The following SRSF1 variants were observed in gnomAD, a reference collection of about 807,000 sequenced individuals.
SRSF1 encodes the protein serine and arginine rich splicing factor 1.
Under a neutral mutation model 25.9 loss-of-function variants are expected in SRSF1, and 1 was observed. The observed-to-expected ratio is 0.04, with a 90% CI of 0.01 to 0.18. The LOEUF (loss-of-function observed/expected upper bound fraction) is 0.18, where lower values mean the gene tolerates loss of function less well. Ranked by LOEUF, SRSF1 falls within the 10% of genes least tolerant of loss-of-function variation. The pLI, the probability that SRSF1 is intolerant of heterozygous loss-of-function variation, is 1.00. For synonymous variants in SRSF1, 132 were observed against 126.2 expected (o/e 1.05, Z -0.31); for missense variants, 65 against 350.5 (o/e 0.19, Z 6.50).
intron 2 of SRSF1, 28 bp downstream of exon 2, chr17:58,006,315 C>T: frequency 6.3e-7 from 1 of 1,580,540 alleles, no homozygotes; most frequent in Non-Finnish European, 8.6e-7. Flanking sequence ...CGTCCCTTCA[C>T]ATCAATCCAC....
downstream of SRSF1, among the ~76,000 whole-genome samples, chr17:57,997,011 C>G (rs942502479): frequency 6.6e-6 from 1 of 152,182 alleles, no homozygotes; most frequent in Non-Finnish European, 1.5e-5. Context: ...GGCAATACCA[C>G]TAAATTCTGA....
downstream of SRSF1, among the ~76,000 whole-genome samples, chr17:58,000,361 G>C (rs181360139): frequency 6.6e-6 from 1 of 152,132 alleles, no homozygotes; most frequent in Non-Finnish European, 1.5e-5. Flanking sequence ...AGACAATCAC[G>C]ATAGACATAA....
At chr17:57,998,118 G>A (rs1345313925), downstream of SRSF1, among the ~76,000 whole-genome samples, 3 of 152,256 alleles carry the variant, frequency 2.0e-5, no homozygotes, top group East Asian at 1.9e-4. Flanking sequence ...TGGGAGGCAG[G>A]AGAATCGCTT....
Position 58,005,541 on chromosome 17 carries a change from T to C in SRSF1, c.612A>G (p.Arg204=). 2 of 1,614,118 alleles carry C rather than the reference T, an allele frequency of 1.2e-6. No homozygotes were observed. Among genetic ancestry groups the C allele is most frequent in the Non-Finnish European group, 1.7e-6 (2 of 1,180,034 alleles). ...TACGACTACGGCTTCGAGATCGAGA[T>C]CTTCCATAACTTGGACTTCTGGGCC... ...VDGPRSPSYG[R]SRSRSRSRSR... is the part of the protein sequence containing the mutation. Residue 204 remains arginine, a synonymous_variant, in exon 4 of 4, where the codon AGA becomes AGG. Coordinates refer to ENST00000258962, the MANE Select transcript of SRSF1 (RefSeq NM_006924.5). The surrounding 1 kb of genome is among the most constrained non-coding windows in gnomAD (Gnocchi z 5.2).
chr17:58,005,705 C>T lies in SRSF1; in HGVS notation c.552+96G>A. 3.1e-6 allele frequency: 5 copies of T among 1,607,776 alleles called. No homozygotes were observed. The highest frequency in any genetic ancestry group is 4.3e-6 in the Non-Finnish European group (5 of 1,175,934). On this transcript the variant is annotated intron_variant, in intron 3 of 3. Transcript: ENST00000258962. This position sits in a 1 kb window ranked among gnomAD's most constrained non-coding sequence, Gnocchi z 5.2. Reference sequence around the variant, plus strand: ...CTAAAACCAGAAATCTGGCAATTTACTTGGACAACCTTGCCTGAATCCTTA... The same window carrying T: ...CTAAAACCAGAAATCTGGCAATTTATTTGGACAACCTTGCCTGAATCCTTA...
At chr17:57,995,664 C>G in the SRSF1 span, among the ~76,000 whole-genome samples, 2 of 152,222 alleles carry the variant, frequency 1.3e-5, no homozygotes, top group Admixed American at 1.3e-4. Flanking sequence ...TTGGGTCAGA[C>G]TTTTCTCCCC....
the SRSF1 span, among the ~76,000 whole-genome samples, chr17:57,995,256 T>C: frequency 6.6e-6 from 1 of 152,244 alleles, no homozygotes; most frequent in Non-Finnish European, 1.5e-5. Context: ...AATTTAAGTG[T>C]ATACTCAGCT....
In SRSF1 at chr17:58,004,257, G is replaced by A. The variant is rs542320267; in HGVS notation, c.*1149C>T. On this transcript the variant is annotated 3_prime_UTR_variant, in exon 4 of 4. Transcript: ENST00000258962. The stretch of plus-strand genomic sequence containing the variant: ...ATGCCAACACTTGTTACTGTACAGC[G>A]TATTACAGGTTTCGTGGTTGCAAGA... The A allele has an allele frequency of 9.8e-5, 15 of 152,684 alleles. No homozygotes were observed. The South Asian group carries it at 1.7e-3, about 17-fold the overall frequency. The allele number at this position is 152,684 out of a possible 1,614,324, so 9.5% of individuals were successfully genotyped here. A position where few individuals can be genotyped will look rare whatever the true frequency, so the allele number is the denominator to read the frequency against.
chr17:57,999,760 AC>A (rs1343268743), downstream of SRSF1, among the ~76,000 whole-genome samples: 3 of 152,182 alleles, frequency 2.0e-5, no homozygotes, highest in Non-Finnish European at 2.9e-5. Flanking sequence ...AAACAAACAA[AC>A]AAAAAAAATT....
At chr17:58,000,097 CAG>C (rs149071268), downstream of SRSF1, among the ~76,000 whole-genome samples, 3,486 of 152,140 alleles carry the variant, frequency 0.023, 55 homozygotes, top group Non-Finnish European at 0.029. Context: ...TTCTATATGA[CAG>C]AGTCATTTAT....
At position 58,001,947 on chromosome 17, in the gene SRSF1, C is replaced by T. The variant is rs2075394138; in HGVS notation, c.*3459G>A. Among the ~76,000 whole-genome samples the T allele has an allele frequency of 6.6e-6, 1 of 152,184 alleles. No homozygotes were observed. The highest frequency in any genetic ancestry group is 1.5e-5 in the Non-Finnish European group (1 of 68,018). ...ACTTTTAGTAGAGCACATCTTTCAA[C>T]TTTAAACACTCAAACTTGAGTGAAG... On this transcript the variant is annotated 3_prime_UTR_variant, in exon 4 of 4. Coordinates refer to ENST00000258962, the MANE Select transcript of SRSF1 (RefSeq NM_006924.5).
In SRSF1 at chr17:58,005,089, G is replaced by T; in HGVS notation, c.*317C>A. On this transcript the variant is annotated 3_prime_UTR_variant, in exon 4 of 4. Transcript: ENST00000258962. The surrounding 1 kb of genome is among the most constrained non-coding windows in gnomAD (Gnocchi z 5.2). ...CAAGATAAACATAAGAACTTCCCCA[G>T]GTAAGATAACCACAAACACCCCCAA... 1 of 460,156 alleles carries T rather than the reference G, an allele frequency of 2.2e-6. No homozygotes were observed. Among genetic ancestry groups the T allele is most frequent in the South Asian group, 5.6e-5 (1 of 17,802 alleles). The allele number at this position is 460,156 out of a possible 1,614,324, so 28.5% of individuals were successfully genotyped here. A position where few individuals can be genotyped will look rare whatever the true frequency, so the allele number is the denominator to read the frequency against.
At chr17:58,006,612 T>A (rs1049920586) in intron 1 of SRSF1, 85 bp from the exon 2 acceptor site, 40 of 1,443,780 alleles carry the variant, frequency 2.8e-5, no homozygotes, top group Middle Eastern at 2.4e-4. Flanking sequence ...CCCCCGCACA[T>A]GCGCACCCAA....
chr17:58,006,309 C>T (rs764902307), intron 2 of SRSF1, 34 bp downstream of exon 2: 2 of 1,556,946 alleles, frequency 1.3e-6, no homozygotes, highest in East Asian at 4.5e-5. Flanking sequence ...AGTTTTCGTC[C>T]CTTCACATCA....
chr17:57,989,729 G>A, the SRSF1 span: 1 of 398,674 alleles, frequency 2.5e-6, no homozygotes, highest in South Asian at 1.3e-4. Context: ...AGGCCTTGGG[G>A]ATGAATGAGA....
In SRSF1 at chr17:58,000,937, T is replaced by G. The variant is rs2075385163; in HGVS notation, c.*4469A>C. Among the ~76,000 whole-genome samples the G allele has an allele frequency of 6.6e-6, 1 of 152,182 alleles. No individual in the cohort carries two copies. The highest frequency in any genetic ancestry group is 2.4e-5 in the African/African-American group (1 of 41,460). On this transcript the variant is annotated 3_prime_UTR_variant, in exon 4 of 4. Transcript: ENST00000258962. ...GCAGCAATTCTGGTCAGGGTTCACA[T>G]TTAATTAGCTCAACAACAGAAAATC...
chr17:57,995,118 A>C, the SRSF1 span, among the ~76,000 whole-genome samples: 5 of 152,224 alleles, frequency 3.3e-5, no homozygotes, highest in African/African-American at 1.2e-4. Context: ...ACTGATACCT[A>C]AGAGATAGTA....
intron 1 of SRSF1, 97 bp downstream of exon 1, chr17:58,006,843 CTAAG>C (rs2075433061): frequency 7.0e-7 from 1 of 1,422,796 alleles, no homozygotes; most frequent in Admixed American, 1.9e-5. Context: ...CCCAACCTCT[CTAAG>C]AGCCCCCGCT....
In SRSF1 at chr17:58,001,270, GAA is replaced by G. The variant is rs1184867530; in HGVS notation, c.*4134_*4135del. Among the ~76,000 whole-genome samples the G allele has an allele frequency of 6.6e-6, 1 of 152,018 alleles. No individual in the cohort carries two copies. The highest frequency in any genetic ancestry group is 2.4e-5 in the African/African-American group (1 of 41,398). Reference sequence around the variant, plus strand: ...ATGTTTCAAAGACAACAAACACCAAGAAAAGTTGAGATTCTACAATAAATCAT... The same window carrying G: ...ATGTTTCAAAGACAACAAACACCAAGAAGTTGAGATTCTACAATAAATCAT... On this transcript the variant is annotated 3_prime_UTR_variant, in exon 4 of 4. Transcript: ENST00000258962.
Sources: allele counts gnomAD v4.1 joint callset (sites outside exome capture counted in the v4.1 genomes callset), GRCh38; gene constraint gnomAD v4.1.1; non-coding constraint Gnocchi (gnomAD v3.1); transcripts MANE v1.5; gene names NCBI Gene and HGNC (gene_info 2026-07-23, HGNC 2026-07-21).